The following MYH7 variants were observed in gnomAD, a reference collection of about 807,000 sequenced individuals.
The protein encoded by MYH7 is myosin-7.
A neutral mutation model predicts 225.4 loss-of-function variants in MYH7; 129 were observed. The ratio of observed to expected loss-of-function variants is 0.57; its 90% CI spans 0.50 to 0.66. The LOEUF (loss-of-function observed/expected upper bound fraction) is 0.66. MYH7 is among the 30% of genes least tolerant of loss of function. The probability of loss-of-function intolerance (pLI) is 0.00; values close to 1 mark genes in which losing one functional copy is unlikely to be tolerated. For missense variants in MYH7, 1,649 were observed against 2,517.0 expected, an observed-to-expected ratio of 0.66 and a Z score of 7.38; for synonymous variants, 971 against 1,007.6, an observed-to-expected ratio of 0.96 and a Z score of 0.69.
At position 23,415,596 on chromosome 14, in the gene MYH7, C is replaced by A; in HGVS notation, c.5157+33G>T. Reference sequence around the variant, plus strand: ...CTTGCTTGCTGAGCCCCAGCCTGTGCTCCCTTCAGGAATGAGCAGGGGAGC... The same window carrying A: ...CTTGCTTGCTGAGCCCCAGCCTGTGATCCCTTCAGGAATGAGCAGGGGAGC... On this transcript the variant is annotated intron_variant, in intron 35 of 39. Transcript: ENST00000355349. This position sits in a 1 kb window ranked among gnomAD's most constrained non-coding sequence, Gnocchi z 6.3. 1 of 1,613,696 alleles carries A rather than the reference C, an allele frequency of 6.2e-7. No individual in the cohort carries two copies. Among genetic ancestry groups the A allele is most frequent in the Non-Finnish European group, 8.5e-7 (1 of 1,180,010 alleles).
In MYH7 at chr14:23,425,465, G is replaced by A. The variant is rs538890877; in HGVS notation, c.2287-47C>T. On this transcript the variant is annotated intron_variant, in intron 20 of 39. Coordinates refer to ENST00000355349, the MANE Select transcript of MYH7 (RefSeq NM_000257.4). The surrounding 1 kb of genome is among the most constrained non-coding windows in gnomAD (Gnocchi z 4.6). ...GCCATGACTAGGGAGGGGTACGAGG[G>A]AAAGAGATGGTGGGGATTACCTTAG... 3 of 1,613,622 alleles carry A rather than the reference G, an allele frequency of 1.9e-6. No homozygotes were observed. Among genetic ancestry groups the A allele is most frequent in the African/African-American group, 2.7e-5 (2 of 75,028 alleles).
Position 23,419,216 on chromosome 14 carries a change from CT to C in MYH7, c.3932del (p.Gln1311ArgfsTer118). 6.2e-7 allele frequency: 1 copy of C among 1,614,230 alleles called. No individual in the cohort carries two copies. Among genetic ancestry groups the C allele is most frequent in the Non-Finnish European group, 8.5e-7 (1 of 1,180,042 alleles). ...LTRGKLTYTQ[Q>X]LEDLKRQLEE... The stretch of plus-strand genomic sequence containing the variant: ...CCAGCTGCCTCTTGAGGTCCTCCAG[CT>C]GCTGGGTGTAGGTGAGCTTGCCTCG... On this transcript the variant is annotated frameshift_variant, in exon 29 of 40. Transcript: ENST00000355349. LOFTEE classifies it high-confidence loss of function.
intron 32 of MYH7, 53 bp from the exon 33 acceptor site, chr14:23,417,045 T>C (rs1386790123): frequency 6.2e-7 from 1 of 1,613,976 alleles, no homozygotes; most frequent in African/African-American, 1.3e-5. Flanking sequence ...CCAGTGGAGT[T>C]GGAGGGACAC....
At position 23,417,248 on chromosome 14, in the gene MYH7, C is replaced by T. The variant is rs1176998293; in HGVS notation, c.4424G>A (p.Arg1475His). 10 of 1,614,064 alleles carry T rather than the reference C, an allele frequency of 6.2e-6. No individual in the cohort carries two copies. The highest frequency in any genetic ancestry group is 3.3e-5 in the South Asian group (3 of 91,090). ...SELESSQKEA[R>H]SLSTELFKLK... ...TTTGAAGAGCTCTGTGCTGAGGGAG[C>T]GAGCCTCCTTCTGCGAGGACTCCAG... Residue 1475 changes from arginine to histidine, a missense_variant, in exon 32 of 40, where the codon CGC becomes CAC. By Grantham distance (29) the Arg-to-His change is conservative. Around this residue, in one of 12 missense-constraint regions of MYH7, gnomAD observed 687 missense variants for 913.8 expected, o/e 0.75. Coordinates refer to ENST00000355349, the MANE Select transcript of MYH7 (RefSeq NM_000257.4).
chr14:23,425,650 G>A lies in MYH7; in HGVS notation c.2286+45C>T. ...CAGGAAAAGCATCAGAGGAGTCAAT[G>A]GAAAAGAGATGTCTTCCTTTAATTA... On this transcript the variant is annotated intron_variant, in intron 20 of 39. Coordinates refer to ENST00000355349, the MANE Select transcript of MYH7 (RefSeq NM_000257.4). The surrounding 1 kb of genome is among the most constrained non-coding windows in gnomAD (Gnocchi z 4.6). 2 of 1,613,544 alleles carry A rather than the reference G, an allele frequency of 1.2e-6. No individual in the cohort carries two copies. Among genetic ancestry groups the A allele is most frequent in the Non-Finnish European group, 1.7e-6 (2 of 1,179,664 alleles).
Position 23,419,158 on chromosome 14 carries a change from G to C in MYH7, c.3972+19C>G. On this transcript the variant is annotated intron_variant, in intron 29 of 39. Coordinates refer to ENST00000355349, the MANE Select transcript of MYH7 (RefSeq NM_000257.4). The stretch of plus-strand genomic sequence containing the variant: ...GTGTGCTCCTTGCTTGGGCCAGGTG[G>C]CCCGAGTCTAGCCCTTACCTTAACC... 1 of 1,609,414 alleles carries C rather than the reference G, an allele frequency of 6.2e-7. No homozygotes were observed. Among genetic ancestry groups the C allele is most frequent in the Non-Finnish European group, 8.5e-7 (1 of 1,175,682 alleles).
chr14:23,424,252 A>G, intron 22 of MYH7, 103 bp from the exon 23 acceptor site: 3 of 1,463,166 alleles, frequency 2.1e-6, no homozygotes, highest in East Asian at 2.3e-5. Flanking sequence ...GGGTAACTCT[A>G]GGATATCCCC....
chr14:23,425,489 A>C lies in MYH7; in HGVS notation c.2287-71T>G. The C allele has an allele frequency of 2.5e-6, 4 of 1,610,610 alleles. No homozygotes were observed. The highest frequency in any genetic ancestry group is 3.4e-6 in the Non-Finnish European group (4 of 1,178,684). ...GGAAAGAGATGGTGGGGATTACCTT[A>C]GGAAGGGTAACAGCCTAGAAAAGGA... On this transcript the variant is annotated intron_variant, in intron 20 of 39. Coordinates refer to ENST00000355349, the MANE Select transcript of MYH7 (RefSeq NM_000257.4). The surrounding 1 kb of genome is among the most constrained non-coding windows in gnomAD (Gnocchi z 4.6).
intron 17 of MYH7, 65 bp downstream of exon 17, chr14:23,427,175 A>C: frequency 1.1e-6 from 1 of 925,424 alleles, no homozygotes; most frequent in Non-Finnish European, 1.4e-6. Context: ...AAGGCAGGGA[A>C]GGGTGGGGCT....
intron 11 of MYH7, 37 bp from the exon 12 acceptor site, chr14:23,429,950 A>T: frequency 6.2e-7 from 1 of 1,612,652 alleles, no homozygotes; most frequent in Non-Finnish European, 8.5e-7. Context: ...CCCCAGAAAA[A>T]GAAGTATGAT....
At position 23,414,074 on chromosome 14, in the gene MYH7, C is replaced by T. The variant is rs45520836; in HGVS notation, c.5588G>A (p.Arg1863Gln). The T allele has an allele frequency of 5.0e-6, 8 of 1,613,618 alleles. No homozygotes were observed. The highest frequency in any genetic ancestry group is 1.7e-5 in the Admixed American group (1 of 60,004). The change falls in exon 38 of 40, where the codon CGG becomes CAG. Residue 1863 changes from arginine to glutamine, a missense_variant. Coordinates refer to ENST00000355349, the MANE Select transcript of MYH7 (RefSeq NM_000257.4). ...CAGCTTGTCTACCAGGTCCTGCAGC[C>T]GCAGCAGGTTTTTCCTGTCCTCCTC... ...QTEEDRKNLL[R>Q]LQDLVDKLQL...
At chr14:23,414,853 G>T in intron 37 of MYH7, 142 bp downstream of exon 37, 1 of 1,414,906 alleles carries the variant, frequency 7.1e-7, no homozygotes, top group African/African-American at 1.4e-5. Flanking sequence ...TCAGAGTGGG[G>T]CAGGGCTAGG....
Position 23,433,322 on chromosome 14 carries a change from T to C in MYH7, c.202-95A>G. 1 of 1,576,476 alleles carries C rather than the reference T, an allele frequency of 6.3e-7. No individual in the cohort carries two copies. Among genetic ancestry groups the C allele is most frequent in the Non-Finnish European group, 8.7e-7 (1 of 1,152,162 alleles). ...TTGGTGAGTGACAGGGCAATAGTGCTCAAGAGAGAAGGAACCAGGATCTCA... is the reference window on the plus strand; with the variant it reads ...TTGGTGAGTGACAGGGCAATAGTGCCCAAGAGAGAAGGAACCAGGATCTCA... On this transcript the variant is annotated intron_variant, in intron 3 of 39. Transcript: ENST00000355349. This position sits in a 1 kb window ranked among gnomAD's most constrained non-coding sequence, Gnocchi z 4.1.
chr14:23,413,613 A>G, intron 39 of MYH7, 146 bp downstream of exon 39: 1 of 1,112,562 alleles, frequency 9.0e-7, no homozygotes, highest in Non-Finnish European at 1.3e-6. Context: ...CCTTGAAATC[A>G]CAGAGAACTG....
At chr14:23,426,428 C>T (rs1366149443) in intron 18 of MYH7, among the ~76,000 whole-genome samples, 4 of 152,080 alleles carry the variant, frequency 2.6e-5, no homozygotes, top group African/African-American at 9.7e-5. Flanking sequence ...TCCTAATTAG[C>T]CAAAAATGGA....
Position 23,434,094 on chromosome 14 carries a change from C to T in MYH7, c.-9+100G>A, listed in dbSNP as rs192847187. 3.8e-6 allele frequency: 3 copies of T among 790,522 alleles called. No individual in the cohort carries two copies. In the African/African-American group the frequency reaches 5.4e-5, roughly 14 times the overall value. The allele number at this position is 790,522 out of a possible 1,614,324, so 49.0% of individuals were successfully genotyped here. A position where few individuals can be genotyped will look rare whatever the true frequency, so the allele number is the denominator to read the frequency against. On this transcript the variant is annotated intron_variant, in intron 2 of 39. Coordinates refer to ENST00000355349, the MANE Select transcript of MYH7 (RefSeq NM_000257.4). Reference sequence around the variant, plus strand: ...TAGCTCTTGATAGCCAAGATATTCTCTCCAGCACATGGCAGAAACTAGAGT... The same window carrying T: ...TAGCTCTTGATAGCCAAGATATTCTTTCCAGCACATGGCAGAAACTAGAGT...
intron 12 of MYH7, 121 bp downstream of exon 12, chr14:23,429,654 C>A (rs1468960715): frequency 9.3e-6 from 13 of 1,404,810 alleles, no homozygotes; most frequent in Non-Finnish European, 1.2e-5. Flanking sequence ...CCAGCCTGGG[C>A]AACAGAGCAA....
At chr14:23,431,356 A>T (rs1892927539) in intron 9 of MYH7, 62 bp downstream of exon 9, 2 of 1,534,400 alleles carry the variant, frequency 1.3e-6, no homozygotes, top group African/African-American at 2.7e-5. Flanking sequence ...AGAGAGGTCA[A>T]GACCAGATGG....
At position 23,423,971 on chromosome 14, in the gene MYH7, T is replaced by A. The variant is rs730880901; in HGVS notation, c.2858A>T (p.Asp953Val). Residue 953 changes from aspartate (D) to valine (V), a missense_variant, in exon 23 of 40, where the codon GAC becomes GTC. Physicochemically the swap from Asp to Val is radical, Grantham distance 152. Coordinates refer to ENST00000355349, the MANE Select transcript of MYH7 (RefSeq NM_000257.4). ...LEDECSELKR[D>V]IDDLELTLAK... ...CAGTGTCAGCTCCAGATCATCGATGTCCCTTTTGAGCTCTGAGCACTCATC... is the reference window on the plus strand; with the variant it reads ...CAGTGTCAGCTCCAGATCATCGATGACCCTTTTGAGCTCTGAGCACTCATC... 6.2e-7 allele frequency: 1 copy of A among 1,614,224 alleles called. No homozygotes were observed. The highest frequency in any genetic ancestry group is 8.5e-7 in the Non-Finnish European group (1 of 1,180,036).
Sources: allele counts gnomAD v4.1 joint callset (sites outside exome capture counted in the v4.1 genomes callset), GRCh38; gene constraint gnomAD v4.1.1; regional missense constraint gnomAD v4.1.1; non-coding constraint Gnocchi (gnomAD v3.1); transcripts MANE v1.5; gene names NCBI Gene and HGNC (gene_info 2026-07-23, HGNC 2026-07-21).